CNOT2: variants seen among roughly 807,000 people sequenced by gnomAD.
The protein encoded by CNOT2 is CCR4-NOT transcription complex subunit 2.
In CNOT2, 7 loss-of-function variants were observed where a neutral mutation model predicts 72.1. The observed-to-expected ratio is 0.10, with a 90% CI of 0.06 to 0.18. CNOT2 has a LOEUF of 0.18. Among genes scored for constraint, CNOT2 ranks in the 10% least tolerant of loss-of-function variants. The pLI, the probability that CNOT2 is intolerant of heterozygous loss-of-function variation, is 1.00. For missense variants in CNOT2, 345 were observed against 660.3 expected (o/e 0.52, Z 5.23); for synonymous variants, 196 against 225.6 (o/e 0.87, Z 1.17).
At chr12:70,335,254 A>C (rs1319849584) in intron 7 of CNOT2, 184 bp from the exon 8 acceptor site, 5 of 473,774 alleles carry the variant, frequency 1.1e-5, no homozygotes, top group Non-Finnish European at 1.9e-5. Flanking sequence ...TAAATTGTTC[A>C]TGGAATTCTT....
chr12:70,257,016 GTA>G (rs1000541448), intron 1 of CNOT2, among the ~76,000 whole-genome samples: 1 of 151,818 alleles, frequency 6.6e-6, no homozygotes, highest in African/African-American at 2.4e-5. Flanking sequence ...TAATGATTGT[GTA>G]TGATTGAACA....
intron 11 of CNOT2, 60 bp downstream of exon 11, chr12:70,338,882 A>C: frequency 7.2e-7 from 1 of 1,394,108 alleles, no homozygotes; most frequent in Non-Finnish European, 1.0e-6. Context: ...TCCAGTTTTT[A>C]ATATCATGTC....
chr12:70,302,062 G>C (rs957159893), intron 2 of CNOT2, among the ~76,000 whole-genome samples: 1 of 152,114 alleles, frequency 6.6e-6, no homozygotes, highest in South Asian at 2.1e-4. Context: ...GATCAGTGGT[G>C]ATATCCCCTT....
chr12:70,339,643 G>A (rs1029083559), intron 11 of CNOT2, among the ~76,000 whole-genome samples: 1 of 152,110 alleles, frequency 6.6e-6, no homozygotes, highest in Non-Finnish European at 1.5e-5. Flanking sequence ...CTCAAAAGTA[G>A]GCTCTTAATT....
At chr12:70,324,274 C>G (rs1337696574) in intron 4 of CNOT2, 1 of 151,404 alleles carries the variant, frequency 6.6e-6, no homozygotes, top group Non-Finnish European at 1.5e-5. Flanking sequence ...TATTGGGTGC[C>G]TACAATGAAT....
chr12:70,288,854 T>C (rs1871369099), intron 2 of CNOT2, among the ~76,000 whole-genome samples: 1 of 152,198 alleles, frequency 6.6e-6, no homozygotes, highest in Non-Finnish European at 1.5e-5. Flanking sequence ...TAGACTTCTG[T>C]TACATTTTCT....
chr12:70,255,592 G>C (rs1958398111), intron 1 of CNOT2, among the ~76,000 whole-genome samples: 1 of 152,018 alleles, frequency 6.6e-6, no homozygotes, highest in Non-Finnish European at 1.5e-5. Flanking sequence ...GTAGGAAAAG[G>C]CATTGCTTTT....
At chr12:70,279,093 C>A (rs1243592442) in intron 2 of CNOT2, among the ~76,000 whole-genome samples, 5 of 152,112 alleles carry the variant, frequency 3.3e-5, no homozygotes, top group African/African-American at 1.2e-4. Flanking sequence ...GATATGTGTC[C>A]AACCTCCCCA....
At chr12:70,254,113 C>T (rs1395086448) in intron 1 of CNOT2, among the ~76,000 whole-genome samples, 1 of 151,944 alleles carries the variant, frequency 6.6e-6, no homozygotes, top group Non-Finnish European at 1.5e-5. Flanking sequence ...TGGCACGCGC[C>T]TGTAGTCCTA....
chr12:70,336,424 T>G (rs1880711606), intron 8 of CNOT2: 1 of 152,054 alleles, frequency 6.6e-6, no homozygotes, highest in South Asian at 2.1e-4. Flanking sequence ...TCACATAGTT[T>G]TTTTCTTTTG....
At chr12:70,244,638 G>A (rs1565716518) in intron 1 of CNOT2, among the ~76,000 whole-genome samples, 1 of 152,116 alleles carries the variant, frequency 6.6e-6, no homozygotes, top group Non-Finnish European at 1.5e-5. Flanking sequence ...TCAACATCCG[G>A]AAGACTGAGT....
chr12:70,247,250 C>T (rs956701016), intron 1 of CNOT2, among the ~76,000 whole-genome samples: 5 of 151,884 alleles, frequency 3.3e-5, no homozygotes, highest in Admixed American at 2.6e-4. Flanking sequence ...CTACCACCTC[C>T]GCCTCCCGGG....
chr12:70,326,614 T>C (rs1879118652), intron 4 of CNOT2, among the ~76,000 whole-genome samples: 1 of 151,854 alleles, frequency 6.6e-6, no homozygotes, highest in Admixed American at 6.6e-5. Flanking sequence ...TCAAAGTTAA[T>C]GACTTAGTAT....
chr12:70,298,314 CTTT>C lies in CNOT2; in HGVS notation c.49-12579_49-12577del, dbSNP rs1488890035. On this transcript the variant is annotated intron_variant, in intron 2 of 15. Transcript: ENST00000229195. ...TCGGCTTTTTATTTGCTCCTTACTG[CTTT>C]TCCCTTTACAAATTCAAGAACAAAA... 4.6e-5 allele frequency among the ~76,000 whole-genome samples: 7 copies of C among 152,284 alleles called. No homozygotes were observed. In the East Asian group the frequency reaches 1.3e-3, roughly 29 times the overall value.
At chr12:70,257,776 C>G (rs1014491295) in intron 1 of CNOT2, among the ~76,000 whole-genome samples, 4 of 152,192 alleles carry the variant, frequency 2.6e-5, no homozygotes, top group Non-Finnish European at 5.9e-5. Flanking sequence ...TGAGTAGGGA[C>G]AAGTTCAGTC....
chr12:70,337,765 G>A, intron 9 of CNOT2: 1 of 518,522 alleles, frequency 1.9e-6, no homozygotes, highest in Non-Finnish European at 3.7e-6. Flanking sequence ...GTCCCTGTCA[G>A]CTGGATCCCA....
intron 15 of CNOT2, chr12:70,346,560 T>G: frequency 2.9e-6 from 1 of 342,132 alleles, no homozygotes; most frequent in Non-Finnish European, 5.2e-6. Flanking sequence ...GCATAAGCCT[T>G]GGTAACATTT....
chr12:70,311,150 T>C, intron 3 of CNOT2, 133 bp downstream of exon 3: 1 of 577,994 alleles, frequency 1.7e-6, no homozygotes, highest in South Asian at 2.4e-5. Context: ...CTAGTCCCTT[T>C]GGTGCTTGTA....
chr12:70,337,248 C>T (rs1368403236), intron 8 of CNOT2, 141 bp from the exon 9 acceptor site: 7 of 579,934 alleles, frequency 1.2e-5, no homozygotes, highest in Non-Finnish European at 2.1e-5. Context: ...ACCCTGGATA[C>T]TAATTTTTTG....
Sources: allele counts gnomAD v4.1 joint callset (sites outside exome capture counted in the v4.1 genomes callset), GRCh38; gene constraint gnomAD v4.1.1; transcripts MANE v1.5; gene names NCBI Gene and HGNC (gene_info 2026-07-23, HGNC 2026-07-21).